Variants in ERC1 observed in about 807,000 individuals in gnomAD.
ERC1 encodes the protein ELKS/RAB6-interacting/CAST family member 1.
Under a neutral mutation model 132.0 loss-of-function variants are expected in ERC1, and 56 were observed. That is an observed-to-expected ratio of 0.42 (90% CI 0.34 to 0.53). The LOEUF (loss-of-function observed/expected upper bound fraction) is 0.53. Among genes scored for constraint, ERC1 ranks in the 20% least tolerant of loss-of-function variants. ERC1 has a pLI of 0.03. For missense variants in ERC1, 1,202 were observed against 1,349.9 expected, an observed-to-expected ratio of 0.89 and a Z score of 1.72; for synonymous variants, 478 against 476.1, an observed-to-expected ratio of 1.00 and a Z score of -0.05.
At chr12:1,335,161 TGTC>T (rs2083207620) in intron 15 of ERC1, among the ~76,000 whole-genome samples, 1 of 152,214 alleles carries the variant, frequency 6.6e-6, no homozygotes, top group Non-Finnish European at 1.5e-5. Flanking sequence ...TACAGGATTG[TGTC>T]ATCTGCAAAC....
chr12:1,225,270 G>A (rs890957696), intron 12 of ERC1, among the ~76,000 whole-genome samples: 1 of 151,876 alleles, frequency 6.6e-6, no homozygotes, highest in Non-Finnish European at 1.5e-5. Context: ...ACCAGCCTGG[G>A]CAACATAGCA....
chr12:1,044,878 A>G (rs1295740998), intron 2 of ERC1, among the ~76,000 whole-genome samples: 1 of 152,112 alleles, frequency 6.6e-6, no homozygotes, highest in East Asian at 1.9e-4. Flanking sequence ...AGTCATATTC[A>G]TTATTTAACA....
At position 1,112,348 on chromosome 12, in the gene ERC1, A is replaced by T. The variant is rs745419756; in HGVS notation, c.1401+50A>T. On this transcript the variant is annotated intron_variant, in intron 6 of 18. Coordinates refer to ENST00000360905, the MANE Select transcript of ERC1 (RefSeq NM_178040.4). ...TTGTGTGCAGTGGTCCCACAGTGGG[A>T]CCCTGCTAGCTCTATGGCTTCTGGG... 3.7e-6 allele frequency: 5 copies of T among 1,346,560 alleles called. No individual in the cohort carries two copies. In the East Asian group the frequency reaches 1.2e-4, roughly 31 times the overall value. The allele number at this position is 1,346,560 out of a possible 1,614,324, so 83.4% of individuals were successfully genotyped here.
At chr12:1,411,963 A>G (rs1373199596) in intron 17 of ERC1, among the ~76,000 whole-genome samples, 2 of 152,242 alleles carry the variant, frequency 1.3e-5, no homozygotes, top group Admixed American at 1.3e-4. Context: ...CTACCAAAAT[A>G]GGATAACTTA....
chr12:1,105,591 T>TC (rs1228696480), intron 4 of ERC1, among the ~76,000 whole-genome samples: 1 of 152,116 alleles, frequency 6.6e-6, no homozygotes, highest in Non-Finnish European at 1.5e-5. Context: ...TCTCCTGACC[T>TC]CGTTATCCGC....
Position 1,495,486 on chromosome 12 carries a change from C to A in ERC1, c.*5256C>A, listed in dbSNP as rs2094349868. On this transcript the variant is annotated 3_prime_UTR_variant, in exon 19 of 19. Transcript: ENST00000360905. ...GTCCAGCCCCTCATTCCACACCACGCCAGTATTGCATCCATCTACTGCAGC... is the reference window on the plus strand; with the variant it reads ...GTCCAGCCCCTCATTCCACACCACGACAGTATTGCATCCATCTACTGCAGC... 3.1e-5 allele frequency: 7 copies of A among 228,930 alleles called. No individual in the cohort carries two copies. The highest frequency in any genetic ancestry group is 6.1e-5 in the Non-Finnish European group (7 of 115,296). 14.2% of individuals were successfully genotyped at this position (228,930 alleles called of 1,614,324 possible).
chr12:1,182,523 C>T (rs763936531), intron 10 of ERC1, among the ~76,000 whole-genome samples: 3 of 152,136 alleles, frequency 2.0e-5, no homozygotes, highest in Non-Finnish European at 2.9e-5. Context: ...AGCAAAGATG[C>T]CTCATGCTAT....
chr12:1,337,860 G>C (rs1566622106), intron 15 of ERC1, among the ~76,000 whole-genome samples: 1 of 152,100 alleles, frequency 6.6e-6, no homozygotes, highest in Non-Finnish European at 1.5e-5. Context: ...TTGATTATTG[G>C]TGCCCAATCT....
intron 2 of ERC1, among the ~76,000 whole-genome samples, chr12:1,030,097 T>C (rs948144784): frequency 3.9e-5 from 6 of 152,122 alleles, no homozygotes; most frequent in Admixed American, 1.3e-4. Flanking sequence ...CACATTTTTT[T>C]CCCCCATGGC....
intron 14 of ERC1, among the ~76,000 whole-genome samples, chr12:1,276,267 C>T (rs1265972945): frequency 2.0e-4 from 29 of 148,084 alleles, no homozygotes; most frequent in Non-Finnish European, 3.6e-4. Flanking sequence ...GATGGAGTCT[C>T]TCTCTGTTGC....
intron 8 of ERC1, among the ~76,000 whole-genome samples, chr12:1,159,638 A>G (rs983659390): frequency 2.0e-5 from 3 of 152,208 alleles, no homozygotes; most frequent in African/African-American, 4.8e-5. Context: ...CCAAATCTCA[A>G]TATCCTACGT....
intron 2 of ERC1, among the ~76,000 whole-genome samples, chr12:1,055,630 A>G (rs1339671282): frequency 2.6e-5 from 4 of 152,230 alleles, no homozygotes; most frequent in Admixed American, 2.0e-4. Flanking sequence ...AAATACATGT[A>G]TATATAGTGT....
intron 18 of ERC1, among the ~76,000 whole-genome samples, chr12:1,481,278 C>T (rs73601940): frequency 0.071 from 10,784 of 152,242 alleles, 1,253 homozygotes; most frequent in African/African-American, 0.25. Context: ...TCAGGTTGTG[C>T]TTTCGCACCT....
intron 15 of ERC1, among the ~76,000 whole-genome samples, chr12:1,316,623 A>G (rs749451985): frequency 6.6e-6 from 1 of 152,232 alleles, no homozygotes; most frequent in Non-Finnish European, 1.5e-5. Flanking sequence ...GAACGCTTTT[A>G]TACTGTTGGT....
At chr12:1,067,720 T>C (rs1939482989) in intron 2 of ERC1, among the ~76,000 whole-genome samples, 1 of 152,198 alleles carries the variant, frequency 6.6e-6, no homozygotes, top group Non-Finnish European at 1.5e-5. Context: ...CCTTTCCTGC[T>C]GAAGGCTGCA....
chr12:1,033,830 A>G (rs1275350334), intron 2 of ERC1, among the ~76,000 whole-genome samples: 1 of 151,956 alleles, frequency 6.6e-6, no homozygotes, highest in Non-Finnish European at 1.5e-5. Flanking sequence ...GGATTTTGCC[A>G]TTTTGGCCAG....
rs112838015 is a variant in ERC1 at position 1,321,342 on chromosome 12, G to GTGTGTGTGTATA, written c.2780+31331_2780+31332insGTGTGTGTATAT. On this transcript the variant is annotated intron_variant, in intron 15 of 18. Coordinates refer to ENST00000360905, the MANE Select transcript of ERC1 (RefSeq NM_178040.4). The stretch of plus-strand genomic sequence containing the variant: ...ATATGATACGTGTGTGTGTGTGTGT[G>GTGTGTGTGTATA]TATATTTTGCTCTATATTGTGCCAT... 8.8e-3 allele frequency among the ~76,000 whole-genome samples: 1,332 copies of GTGTGTGTGTATA among 152,120 alleles called. 14 individuals are homozygous for GTGTGTGTGTATA. The highest frequency in any genetic ancestry group is 0.03 in the African/African-American group (1,248 of 41,466).
chr12:1,171,090 C>G (rs1448518183), intron 8 of ERC1, among the ~76,000 whole-genome samples: 1 of 152,150 alleles, frequency 6.6e-6, no homozygotes, highest in Admixed American at 6.5e-5. Flanking sequence ...ATAATTCACT[C>G]CATGATCTGT....
intron 15 of ERC1, among the ~76,000 whole-genome samples, chr12:1,291,097 C>T (rs571450903): frequency 8.7e-4 from 132 of 152,244 alleles, no homozygotes; most frequent in African/African-American, 3.0e-3. Context: ...AGAATCTTGC[C>T]ATAATACCTT....
Sources: allele counts gnomAD v4.1 joint callset (sites outside exome capture counted in the v4.1 genomes callset), GRCh38; gene constraint gnomAD v4.1.1; transcripts MANE v1.5; gene names NCBI Gene and HGNC (gene_info 2026-07-23, HGNC 2026-07-21).